MRPL18: variants seen among roughly 807,000 people sequenced by gnomAD.
MRPL18 encodes the protein mitochondrial ribosomal protein L18, also known as large ribosomal subunit protein uL18m.
In MRPL18, 16 loss-of-function variants were observed where a neutral mutation model predicts 20.9. That is an observed-to-expected ratio of 0.76 (90% CI 0.52 to 1.16). The LOEUF (loss-of-function observed/expected upper bound fraction) is 1.16, where lower values mean the gene tolerates loss of function less well. Ranked by LOEUF, MRPL18 falls within the 50% of genes most tolerant of loss-of-function variation. MRPL18 has a pLI of 0.00. For synonymous variants in MRPL18, 91 were observed against 87.1 expected (o/e 1.04, Z -0.25); for missense variants, 233 against 230.6 (o/e 1.01, Z -0.07).
chr6:159,790,946 G>T lies in MRPL18; in HGVS notation c.59G>T (p.Arg20Met), dbSNP rs1231825285. ...GGTTTTTCCCGTTGCCCAGGGTGCA[G>T]GTTCGCAGCCCTGTCAACCAGCTCC... The part of the protein sequence containing the change: ...LFSVCRNPGC[R>M]FAALSTSSEP... Residue 20 changes from arginine (R) to methionine (M), a missense_variant, in exon 2 of 4, where the codon AGG (arginine) becomes ATG (methionine). Transcript: ENST00000367034. 3.7e-6 allele frequency: 6 copies of T among 1,614,142 alleles called. No homozygotes were observed. Among genetic ancestry groups the T allele is most frequent in the Non-Finnish European group, 4.2e-6 (5 of 1,180,022 alleles).
At chr6:159,794,369 C>A (rs36112104) in intron 2 of MRPL18, among the ~76,000 whole-genome samples, 2 of 151,832 alleles carry the variant, frequency 1.3e-5, no homozygotes, top group Non-Finnish European at 2.9e-5. Flanking sequence ...GTTACTTAAC[C>A]TTTCTGTGTT....
At chr6:159,794,920 TGTTTCTCTGAGAGGGG>T (rs1780992728) in intron 2 of MRPL18, among the ~76,000 whole-genome samples, 1 of 152,206 alleles carries the variant, frequency 6.6e-6, no homozygotes, top group African/African-American at 2.4e-5. Flanking sequence ...CATTCGTGGG[TGTTTCTCTGAGAGGGG>T]GATGTGTCAG....
Position 159,793,361 on chromosome 6 carries a change from T to C in MRPL18, c.239+2235T>C, listed in dbSNP as rs988004661. On this transcript the variant is annotated intron_variant, in intron 2 of 3. Coordinates refer to ENST00000367034, the MANE Select transcript of MRPL18 (RefSeq NM_014161.5). ...AGATTGTGAGCTAAAAACTTGTTTT[T>C]ACTTTTTTTAAGTTAAAAAAAAAAT... Among the ~76,000 whole-genome samples, 4 of 107,274 alleles carry C rather than the reference T, an allele frequency of 3.7e-5. No homozygotes were observed. The East Asian group carries it at 6.0e-4, about 16-fold the overall frequency. The allele number at this position is 107,274 out of a possible 152,430, so 70.4% of individuals were successfully genotyped here.
chr6:159,791,733 C>T (rs981062166), intron 2 of MRPL18, among the ~76,000 whole-genome samples: 4 of 152,190 alleles, frequency 2.6e-5, no homozygotes, highest in African/African-American at 9.6e-5. Context: ...GGTGAAACCC[C>T]GTCTCTACTA....
intron 2 of MRPL18, 21 bp downstream of exon 2, chr6:159,791,147 T>C: frequency 1.2e-6 from 2 of 1,613,688 alleles, no homozygotes; most frequent in Non-Finnish European, 1.7e-6. Flanking sequence ...CTGCTTGTGA[T>C]TGACAAGGGC....
intron 2 of MRPL18, 64 bp downstream of exon 2, chr6:159,791,190 A>G: frequency 6.4e-7 from 1 of 1,562,196 alleles, no homozygotes; most frequent in Non-Finnish European, 8.7e-7. Flanking sequence ...CATTCATTCA[A>G]CTCCAGGCAC....
chr6:159,796,443 G>A (rs1781031247), intron 2 of MRPL18, among the ~76,000 whole-genome samples: 2 of 149,608 alleles, frequency 1.3e-5, no homozygotes, highest in South Asian at 2.1e-4. Flanking sequence ...TCGTGCCTCT[G>A]TACTCTAGCC....
chr6:159,792,614 T>C (rs1210287740), intron 2 of MRPL18, among the ~76,000 whole-genome samples: 2 of 152,204 alleles, frequency 1.3e-5, no homozygotes, highest in East Asian at 3.9e-4. Context: ...TAAAAATCTT[T>C]TGAAACACCC....
chr6:159,791,097 G>A lies in MRPL18; in HGVS notation c.210G>A (p.Thr70=). 4 of 1,614,182 alleles carry A rather than the reference G, an allele frequency of 2.5e-6. No individual in the cohort carries two copies. The highest frequency in any genetic ancestry group is 3.4e-6 in the Non-Finnish European group (4 of 1,180,036). The change falls in exon 2 of 4, where the codon ACG becomes ACA. Residue 70 remains threonine, a synonymous_variant. Transcript: ENST00000367034. ...SVARKERGWR[T]VFPSREFWHR... ...CCAGGAAAGAGCGGGGCTGGCGGAC[G>A]GTGTTTCCCTCCCGTGAGTTCTGGC...
At chr6:159,796,636 T>A (rs1323805849) in intron 2 of MRPL18, among the ~76,000 whole-genome samples, 1 of 151,822 alleles carries the variant, frequency 6.6e-6, no homozygotes, top group Non-Finnish European at 1.5e-5. Flanking sequence ...AAATAAAAAT[T>A]ATCTTGGTGC....
At chr6:159,793,525 A>G (rs1460425083) in intron 2 of MRPL18, among the ~76,000 whole-genome samples, 1 of 152,242 alleles carries the variant, frequency 6.6e-6, no homozygotes, top group Admixed American at 6.5e-5. Flanking sequence ...TGAGTCGAAC[A>G]GTTTCAACAG....
intron 2 of MRPL18, among the ~76,000 whole-genome samples, chr6:159,793,444 G>A (rs958919254): frequency 4.6e-5 from 7 of 152,184 alleles, no homozygotes; most frequent in Non-Finnish European, 7.4e-5. Flanking sequence ...CGTTGCCCAG[G>A]TTCTTAGAAC....
At chr6:159,794,858 T>G (rs1326797531) in intron 2 of MRPL18, among the ~76,000 whole-genome samples, 1 of 152,150 alleles carries the variant, frequency 6.6e-6, no homozygotes, top group African/African-American at 2.4e-5. Context: ...GAACCAGCGT[T>G]CAGCATATGG....
intron 2 of MRPL18, among the ~76,000 whole-genome samples, chr6:159,791,738 C>G (rs1452265212): frequency 2.0e-5 from 3 of 152,112 alleles, no homozygotes; most frequent in Non-Finnish European, 4.4e-5. Flanking sequence ...AACCCCGTCT[C>G]TACTAAAAAT....
At chr6:159,796,413 G>A (rs1781030411) in intron 2 of MRPL18, among the ~76,000 whole-genome samples, 1 of 151,470 alleles carries the variant, frequency 6.6e-6, no homozygotes, top group Non-Finnish European at 1.5e-5. Flanking sequence ...CCAGGAGGCA[G>A]AGGCTGCTGT....
At chr6:159,791,191 C>A in intron 2 of MRPL18, 65 bp downstream of exon 2, 2 of 1,562,870 alleles carry the variant, frequency 1.3e-6, no homozygotes, top group Non-Finnish European at 8.7e-7. Context: ...ATTCATTCAA[C>A]TCCAGGCACT....
intron 2 of MRPL18, among the ~76,000 whole-genome samples, chr6:159,793,041 G>A (rs1780941627): frequency 6.6e-6 from 1 of 151,108 alleles, no homozygotes; most frequent in African/African-American, 2.4e-5. Flanking sequence ...TGCCCAGGCT[G>A]GTCTCGAGCT....
intron 1 of MRPL18, 39 bp from the exon 2 acceptor site, chr6:159,790,901 G>A: frequency 4.3e-6 from 7 of 1,610,620 alleles, no homozygotes; most frequent in Non-Finnish European, 5.9e-6. Flanking sequence ...GTCCATATCC[G>A]TCATTTTTAA....
chr6:159,792,752 C>G (rs1405802557), intron 2 of MRPL18, among the ~76,000 whole-genome samples: 2 of 152,180 alleles, frequency 1.3e-5, no homozygotes, highest in African/African-American at 2.4e-5. Flanking sequence ...ATCTTCCCAC[C>G]TCAGCCTCCT....
Sources: allele counts gnomAD v4.1 joint callset (sites outside exome capture counted in the v4.1 genomes callset), GRCh38; gene constraint gnomAD v4.1.1; transcripts MANE v1.5; gene names NCBI Gene and HGNC (gene_info 2026-07-23, HGNC 2026-07-21).